Variants in LRP5 observed in about 807,000 individuals in gnomAD.
The protein encoded by LRP5 is LDL receptor related protein 5.
LRP5 carries 62 observed loss-of-function variants against 154.1 expected under a neutral mutation model. The ratio of observed to expected loss-of-function variants is 0.40; its 90% CI spans 0.33 to 0.50. LRP5 has a LOEUF of 0.50. Ranked by LOEUF, LRP5 falls within the 20% of genes least tolerant of loss-of-function variation. LRP5 has a pLI of 0.55. For missense variants in LRP5, 1,915 were observed against 2,336.7 expected (o/e 0.82, Z 3.72); for synonymous variants, 966 against 1,011.5 (o/e 0.96, Z 0.85).
chr11:68,437,726 T>C (rs1893003), intron 19 of LRP5, among the ~76,000 whole-genome samples: 18,165 of 152,258 alleles, frequency 0.12, 1,554 homozygotes, highest in African/African-American at 0.24. Flanking sequence ...TTTGGCACCT[T>C]CGTGCCAGGT....
chr11:68,364,386 G>GTGTA (rs1368589855), intron 4 of LRP5, among the ~76,000 whole-genome samples: 1 of 149,674 alleles, frequency 6.7e-6, no homozygotes, highest in East Asian at 1.9e-4. Context: ...GTGTGTGTGT[G>GTGTA]TGTATGTATT....
intron 5 of LRP5, among the ~76,000 whole-genome samples, chr11:68,366,265 G>A (rs1289222818): frequency 1.3e-5 from 2 of 152,176 alleles, no homozygotes; most frequent in African/African-American, 2.4e-5. Context: ...CCAGCTTGCA[G>A]AAGGTGGTGG....
At chr11:68,357,533 C>A in intron 2 of LRP5, 117 bp from the exon 3 acceptor site, 1 of 949,086 alleles carries the variant, frequency 1.1e-6, no homozygotes, top group African/African-American at 1.6e-5. Context: ...TGGTTATTTC[C>A]GATGGGTGAG....
At chr11:68,393,650 G>A (rs912672085) in intron 7 of LRP5, among the ~76,000 whole-genome samples, 21 of 151,976 alleles carry the variant, frequency 1.4e-4, no homozygotes, top group Admixed American at 1.4e-3. Flanking sequence ...GTGTGGCAGC[G>A]GGCGCCTGTA....
Position 68,380,023 on chromosome 11 carries a change from C to T in LRP5, c.1016-6293C>T, listed in dbSNP as rs1259007899. ...TGGCGGGCACCTGTAATCCCAGCTA[C>T]TCAGGAGGCTGAGGCAGGAGAATGG... On this transcript the variant is annotated intron_variant, in intron 5 of 22. Coordinates refer to ENST00000294304, the MANE Select transcript of LRP5 (RefSeq NM_002335.4). Among the ~76,000 whole-genome samples, 6 of 152,318 alleles carry T rather than the reference C, an allele frequency of 3.9e-5. No individual in the cohort carries two copies. The East Asian group carries it at 7.7e-4, about 20-fold the overall frequency.
chr11:68,351,356 C>CT, intron 2 of LRP5, among the ~76,000 whole-genome samples: 1 of 152,278 alleles, frequency 6.6e-6, no homozygotes, highest in African/African-American at 2.4e-5. Flanking sequence ...AACTGTTGCC[C>CT]TCTCAGCCCT....
the LRP5 span, among the ~76,000 whole-genome samples, chr11:68,300,825 G>A: frequency 7.4e-5 from 11 of 149,602 alleles, 2 homozygotes; most frequent in Non-Finnish European, 1.4e-4. Flanking sequence ...CAGGGAGATG[G>A]GGTGCTCTAT....
chr11:68,299,430 G>A, the LRP5 span, among the ~76,000 whole-genome samples: 1 of 151,980 alleles, frequency 6.6e-6, no homozygotes, highest in African/African-American at 2.4e-5. Context: ...AGGAGGTGAG[G>A]GCGGGAGGCA....
intron 13 of LRP5, among the ~76,000 whole-genome samples, chr11:68,420,619 G>A (rs1393148068): frequency 4.6e-5 from 7 of 151,752 alleles, no homozygotes; most frequent in African/African-American, 1.2e-4. Context: ...CAGGAGAATC[G>A]CTTGTACCCG....
intron 5 of LRP5, among the ~76,000 whole-genome samples, chr11:68,373,297 G>A (rs1358327287): frequency 2.6e-5 from 4 of 152,196 alleles, no homozygotes; most frequent in Non-Finnish European, 5.9e-5. Context: ...GGAAGGGGCT[G>A]AGAGGGTGGT....
intron 1 of LRP5, among the ~76,000 whole-genome samples, chr11:68,338,553 T>C (rs1225524385): frequency 1.3e-5 from 2 of 152,136 alleles, no homozygotes; most frequent in Non-Finnish European, 2.9e-5. Context: ...AAGTGGGCGT[T>C]CCTGGGAGTG....
In LRP5 at chr11:68,413,678, T is replaced by C; in HGVS notation, c.2504-11T>C. 1 of 1,613,246 alleles carries C rather than the reference T, an allele frequency of 6.2e-7. No individual in the cohort carries two copies. Among genetic ancestry groups the C allele is most frequent in the Non-Finnish European group, 8.5e-7 (1 of 1,179,688 alleles). On this transcript the variant is annotated splice_polypyrimidine_tract_variant and intron_variant, in intron 11 of 22. Transcript: ENST00000294304. The surrounding 1 kb of genome is among the most constrained non-coding windows in gnomAD (Gnocchi z 5.1). ...CCTTTGCTGACACCGTGCCCGTGTG[T>C]GTTCATGCAGGTCAGGAGCGGGTCG... is the stretch of plus-strand genomic sequence containing the variant.
chr11:68,361,689 GTACA>G (rs1010059353), intron 3 of LRP5, among the ~76,000 whole-genome samples: 12 of 151,758 alleles, frequency 7.9e-5, no homozygotes, highest in Non-Finnish European at 1.3e-4. Flanking sequence ...GGCCATGGTG[GTACA>G]TACCTGTGTT....
At chr11:68,304,368 A>G in the LRP5 span, among the ~76,000 whole-genome samples, 1 of 152,264 alleles carries the variant, frequency 6.6e-6, no homozygotes, top group South Asian at 2.1e-4. Context: ...GAGTGAAGGA[A>G]GCTTGACACC....
chr11:68,419,691 C>T (rs1321535375), intron 13 of LRP5, among the ~76,000 whole-genome samples: 2 of 151,906 alleles, frequency 1.3e-5, no homozygotes, highest in African/African-American at 4.8e-5. Flanking sequence ...TACAGGTGCC[C>T]ATCACTATGC....
chr11:68,322,568 C>G (rs145805633), intron 1 of LRP5, among the ~76,000 whole-genome samples: 2,818 of 152,374 alleles, frequency 0.018, 45 homozygotes, highest in Admixed American at 0.027. Flanking sequence ...CTTGCCAGAT[C>G]TGTCTGGAAC....
In LRP5 at chr11:68,363,961, CGCGGGGGCGAGGGT is replaced by C. The variant is rs749809339; in HGVS notation, c.883+27_883+40del. 1.8e-5 allele frequency: 20 copies of C among 1,096,050 alleles called. No individual in the cohort carries two copies. Among genetic ancestry groups the C allele is most frequent in the East Asian group, 7.5e-5 (2 of 26,576 alleles). 67.9% of individuals were successfully genotyped at this position (1,096,050 alleles called of 1,614,324 possible). Reference sequence around the variant, plus strand: ...GCCTTTCTGTGAGTGCCGGCTGGGGCGCGGGGGCGAGGGTGCGGGGGCTGGGGGGAGCGGGGGCG... The same window carrying C: ...GCCTTTCTGTGAGTGCCGGCTGGGGCGCGGGGGCTGGGGGGAGCGGGGGCG... On this transcript the variant is annotated intron_variant, in intron 4 of 22. Coordinates refer to ENST00000294304, the MANE Select transcript of LRP5 (RefSeq NM_002335.4).
intron 1 of LRP5, among the ~76,000 whole-genome samples, chr11:68,335,727 G>A (rs2098605349): frequency 6.6e-6 from 1 of 152,208 alleles, no homozygotes; most frequent in Non-Finnish European, 1.5e-5. Context: ...CATATGTGCA[G>A]GGGACATTTT....
intron 18 of LRP5, among the ~76,000 whole-genome samples, chr11:68,436,090 GC>G (rs2098674720): frequency 1.3e-5 from 2 of 152,202 alleles, no homozygotes; most frequent in African/African-American, 4.8e-5. Context: ...CCCTCGTCCC[GC>G]TCTAGCTTCT....
Sources: gnomAD v4.1 joint callset for allele counts (sites outside exome capture counted in the v4.1 genomes callset) on GRCh38, gnomAD v4.1.1 for gene constraint, Gnocchi (gnomAD v3.1) non-coding constraint, MANE v1.5 for transcripts, NCBI Gene and HGNC (gene_info 2026-07-23, HGNC 2026-07-21) for gene names.